ANOS1: variants seen among roughly 807,000 people sequenced by gnomAD.
ANOS1 encodes anosmin-1.
ANOS1 carries 6 observed loss-of-function variants against 59.0 expected under a neutral mutation model. That is an observed-to-expected ratio of 0.10 (90% CI 0.06 to 0.20). The LOEUF is 0.20. Ranked by LOEUF, ANOS1 falls within the 10% of genes least tolerant of loss-of-function variation. The pLI, the probability that ANOS1 is intolerant of heterozygous loss-of-function variation, is 1.00. For missense variants in ANOS1, 433 were observed against 542.3 expected (o/e 0.80, Z 2.00); for synonymous variants, 217 against 223.4 (o/e 0.97, Z 0.25).
At chrX:8,666,525 G>T in intron 2 of ANOS1, among the ~76,000 whole-genome samples, 2 of 111,784 alleles carry the variant, frequency 1.8e-5, no homozygotes, top group Middle Eastern at 9.3e-3. Context: ...CATAAAATCT[G>T]CAACATTGTA....
At chrX:8,563,841 T>C (rs1425595794) in intron 8 of ANOS1, among the ~76,000 whole-genome samples, 1 of 112,051 alleles carries the variant, frequency 8.9e-6, no homozygotes, top group Non-Finnish European at 1.9e-5. Context: ...GTCTCCCAAG[T>C]TTCTGGTCAG....
At chrX:8,631,848 G>T (rs1476979678) in intron 2 of ANOS1, among the ~76,000 whole-genome samples, 1 of 112,065 alleles carries the variant, frequency 8.9e-6, no homozygotes, top group African/African-American at 3.2e-5. Context: ...AGAGGCAACG[G>T]CCAAGTGGTA....
chrX:8,549,917 G>C (rs898416423), intron 9 of ANOS1, among the ~76,000 whole-genome samples: 2 of 111,933 alleles, frequency 1.8e-5, no homozygotes, highest in Non-Finnish European at 3.8e-5. Context: ...TCTGACCAGG[G>C]ATGTCTTCAA....
chrX:8,573,391 G>A (rs774710499), intron 6 of ANOS1, among the ~76,000 whole-genome samples: 1 of 110,817 alleles, frequency 9.0e-6, no homozygotes, highest in East Asian at 2.9e-4. Flanking sequence ...AGTTTCAACA[G>A]AAGCTATTTT....
At chrX:8,725,184 C>T (rs2146913634) in intron 1 of ANOS1, among the ~76,000 whole-genome samples, 1 of 111,073 alleles carries the variant, frequency 9.0e-6, no homozygotes, top group African/African-American at 3.3e-5. Flanking sequence ...ATTGCTGTCC[C>T]AAACCTCTCT....
At chrX:8,691,224 C>T (rs933899258) in intron 2 of ANOS1, among the ~76,000 whole-genome samples, 3 of 109,863 alleles carry the variant, frequency 2.7e-5, no homozygotes, top group African/African-American at 1.0e-4. Context: ...CAGGCGTGCA[C>T]CACCACACCC....
intron 6 of ANOS1, among the ~76,000 whole-genome samples, chrX:8,578,856 A>G (rs886880781): frequency 1.8e-5 from 2 of 112,186 alleles, no homozygotes; most frequent in African/African-American, 3.2e-5. Context: ...TATCAAAAAA[A>G]ATGAATTTGG....
At chrX:8,656,624 GC>G (rs996847421) in intron 2 of ANOS1, among the ~76,000 whole-genome samples, 2 of 111,303 alleles carry the variant, frequency 1.8e-5, no homozygotes, top group Non-Finnish European at 3.8e-5. Context: ...CCATCTCCCT[GC>G]CTCCTGAGTC....
At chrX:8,626,133 A>G (rs906218995) in intron 2 of ANOS1, among the ~76,000 whole-genome samples, 14 of 105,963 alleles carry the variant, frequency 1.3e-4, no homozygotes, top group African/African-American at 4.1e-4. Context: ...AAAAAAAAAA[A>G]AAAAGAACTG....
At chrX:8,544,559 T>G (rs937637372) in intron 9 of ANOS1, among the ~76,000 whole-genome samples, 3 of 105,200 alleles carry the variant, frequency 2.9e-5, no homozygotes, top group Admixed American at 1.0e-4. Context: ...AATAGAAGCA[T>G]GAATGTTTCC....
chrX:8,730,578 G>A (rs1932963685), intron 1 of ANOS1, among the ~76,000 whole-genome samples: 1 of 68,775 alleles, frequency 1.5e-5, no homozygotes, highest in Non-Finnish European at 2.6e-5. Flanking sequence ...GCCTCTAGGG[G>A]GACCCCCCCC....
At chrX:8,661,241 G>A (rs1932032895) in intron 2 of ANOS1, among the ~76,000 whole-genome samples, 1 of 109,020 alleles carries the variant, frequency 9.2e-6, no homozygotes, top group South Asian at 4.1e-4. Context: ...ACCATAGACC[G>A]GGCAGTTTAT....
intron 2 of ANOS1, among the ~76,000 whole-genome samples, chrX:8,638,165 T>C (rs77706820): frequency 0.12 from 13,332 of 111,688 alleles, 1,064 homozygotes; most frequent in African/African-American, 0.27. Context: ...TTGTATTAAG[T>C]TCCTTCTAGT....
chrX:8,551,529 C>A (rs1434554004), intron 9 of ANOS1, among the ~76,000 whole-genome samples: 1 of 108,423 alleles, frequency 9.2e-6, no homozygotes, highest in Non-Finnish European at 1.9e-5. Context: ...ATCGCAGCTA[C>A]TCTGGAGGCT....
intron 2 of ANOS1, among the ~76,000 whole-genome samples, chrX:8,644,083 C>G (rs1312286388): frequency 4.5e-5 from 5 of 111,982 alleles, no homozygotes; most frequent in Non-Finnish European, 9.4e-5. Flanking sequence ...GGGCCATGGT[C>G]ACTCATATTT....
chrX:8,629,509 GTAAACTATGGTGCTCCCAGATCTCTC>G (rs1931451793), intron 2 of ANOS1, among the ~76,000 whole-genome samples: 1 of 111,909 alleles, frequency 8.9e-6, no homozygotes, highest in Non-Finnish European at 1.9e-5. Context: ...CATGGGATTA[GTAAACTATGGTGCTCCCAGATCTCTC>G]TGGGATTCAG....
At chrX:8,648,830 T>C (rs2146862637) in intron 2 of ANOS1, among the ~76,000 whole-genome samples, 1 of 112,155 alleles carries the variant, frequency 8.9e-6, no homozygotes, top group South Asian at 3.7e-4. Context: ...TATAATTCCG[T>C]TGATGTCTTT....
chrX:8,694,121 C>T (rs1238553771), intron 2 of ANOS1, among the ~76,000 whole-genome samples: 3 of 111,531 alleles, frequency 2.7e-5, no homozygotes, highest in Non-Finnish European at 5.6e-5. Context: ...ACCAAGTTCA[C>T]CCTTCATATC....
At chrX:8,622,600 A>G (rs1013546762) in intron 3 of ANOS1, among the ~76,000 whole-genome samples, 1 of 111,696 alleles carries the variant, frequency 9.0e-6, no homozygotes, top group African/African-American at 3.3e-5. Context: ...AAGACCCTCA[A>G]CTGAGCTCTC....
Sources: allele counts gnomAD v4.1 joint callset (sites outside exome capture counted in the v4.1 genomes callset), GRCh38; gene constraint gnomAD v4.1.1; transcripts MANE v1.5; gene names NCBI Gene and HGNC (gene_info 2026-07-23, HGNC 2026-07-21).